DEPDC5: variants seen among roughly 807,000 people sequenced by gnomAD.
The protein encoded by DEPDC5 is GATOR1 complex protein DEPDC5.
A neutral mutation model predicts 217.3 loss-of-function variants in DEPDC5; 73 were observed. The observed-to-expected ratio is 0.34, with a 90% CI of 0.28 to 0.41. DEPDC5 has a LOEUF of 0.41. Among genes scored for constraint, DEPDC5 ranks in the 10% least tolerant of loss-of-function variants. DEPDC5 has a pLI of 1.00. For missense variants in DEPDC5, 1,675 were observed against 2,070.1 expected (o/e 0.81, Z 3.70); for synonymous variants, 733 against 756.7 (o/e 0.97, Z 0.51).
intron 7 of DEPDC5, 45 bp from the exon 8 acceptor site, chr22:31,778,054 G>A (rs1459151771): frequency 6.2e-7 from 1 of 1,603,094 alleles, no homozygotes; most frequent in Non-Finnish European, 8.5e-7. Flanking sequence ...GGCATGTATT[G>A]GTTTCATGTA....
chr22:31,872,059 G>A (rs1032454109), intron 34 of DEPDC5, among the ~76,000 whole-genome samples: 7 of 152,220 alleles, frequency 4.6e-5, no homozygotes, highest in Admixed American at 3.9e-4. Context: ...GAATAGTCAT[G>A]AAGAGTAGTC....
chr22:31,754,546 A>G (rs182724421), intron 1 of DEPDC5, among the ~76,000 whole-genome samples: 1 of 152,284 alleles, frequency 6.6e-6, no homozygotes, highest in East Asian at 1.9e-4. Context: ...TCTCTTTACT[A>G]TTTGGGTGTT....
chr22:31,852,498 C>A (rs1388304869), intron 31 of DEPDC5, among the ~76,000 whole-genome samples: 2 of 152,032 alleles, frequency 1.3e-5, no homozygotes, highest in African/African-American at 4.8e-5. Context: ...GCGCCACCAC[C>A]CCAGCTAATT....
chr22:31,797,700 G>C lies in DEPDC5; in HGVS notation c.868G>C (p.Ala290Pro). The change falls in exon 13 of 43, where the codon GCA becomes CCA. Residue 290 changes from alanine (A) to proline (P), a missense_variant. Ala to Pro is a conservative substitution (Grantham distance 27). This residue lies in a region of DEPDC5 where 628 missense variants were observed against 762.1 expected (regional missense o/e 0.82). Coordinates refer to ENST00000651528, the MANE Select transcript of DEPDC5 (RefSeq NM_001242896.3). The stretch of plus-strand genomic sequence containing the variant: ...TCCAGTGTTGGTGCGACTGGAACAG[G>C]CAGGTACTGCATTCATGTAATAGAT... ...QYPVLVRLEQ[A>P]EGFPQGDNST... 6.2e-7 allele frequency: 1 copy of C among 1,612,582 alleles called. No homozygotes were observed. The highest frequency in any genetic ancestry group is 2.2e-5 in the East Asian group (1 of 44,872).
At chr22:31,884,022 T>A (rs2093245636) in intron 38 of DEPDC5, among the ~76,000 whole-genome samples, 1 of 152,126 alleles carries the variant, frequency 6.6e-6, no homozygotes, top group Non-Finnish European at 1.5e-5. Context: ...ATTCTCCCTC[T>A]CCCACCTCAC....
chr22:31,898,843 A>G (rs2093600383), intron 40 of DEPDC5, among the ~76,000 whole-genome samples: 2 of 152,254 alleles, frequency 1.3e-5, no homozygotes, highest in South Asian at 4.1e-4. Context: ...ACTGTGGGAC[A>G]CACAGAGCTT....
At chr22:31,809,709 G>A (rs917369278) in intron 19 of DEPDC5, 62 bp downstream of exon 19, 13 of 1,572,098 alleles carry the variant, frequency 8.3e-6, no homozygotes, top group Non-Finnish European at 1.0e-5. Flanking sequence ...GCTGGGTGCA[G>A]TGGCTCACGC....
intron 30 of DEPDC5, among the ~76,000 whole-genome samples, chr22:31,846,002 C>G (rs981319011): frequency 4.0e-5 from 6 of 151,898 alleles, no homozygotes; most frequent in African/African-American, 1.5e-4. Flanking sequence ...TCATGTCCAG[C>G]TAATTTTTTG....
intron 33 of DEPDC5, among the ~76,000 whole-genome samples, chr22:31,862,491 G>A (rs1213782326): frequency 6.6e-6 from 1 of 152,140 alleles, no homozygotes; most frequent in Non-Finnish European, 1.5e-5. Flanking sequence ...CTTGAACCCA[G>A]GAGGCAGAGG....
rs2092681922 is a variant in DEPDC5, at chr22:31,866,129, G to C, written c.3331-4461G>C. Among the ~76,000 whole-genome samples the C allele has an allele frequency of 1.3e-5, 2 of 152,164 alleles. 1 individual carries two copies. The highest frequency in any genetic ancestry group is 1.3e-4 in the Admixed American group (2 of 15,262). ...CCATGGGGGATGCCTGTGGTGGGTG[G>C]TGCTAATCTCAGAGGCATCTCTAAC... On this transcript the variant is annotated intron_variant, in intron 33 of 42. Coordinates refer to ENST00000651528, the MANE Select transcript of DEPDC5 (RefSeq NM_001242896.3).
intron 33 of DEPDC5, among the ~76,000 whole-genome samples, chr22:31,863,153 C>T (rs942443901): frequency 1.6e-4 from 25 of 151,712 alleles, no homozygotes; most frequent in African/African-American, 5.8e-4. Flanking sequence ...GGCCATTAAC[C>T]TTTTACTTTG....
At chr22:31,860,610 G>A (rs1291295937) in intron 32 of DEPDC5, among the ~76,000 whole-genome samples, 1 of 152,186 alleles carries the variant, frequency 6.6e-6, no homozygotes. Flanking sequence ...CAAGGGTAGG[G>A]TAGGGAGGGA....
chr22:31,759,222 G>A (rs894804215), intron 3 of DEPDC5, among the ~76,000 whole-genome samples: 9 of 151,618 alleles, frequency 5.9e-5, no homozygotes, highest in African/African-American at 2.2e-4. Flanking sequence ...ATGAGGCACC[G>A]CACCTGGCCT....
intron 13 of DEPDC5, among the ~76,000 whole-genome samples, 172 bp from the exon 14 acceptor site, chr22:31,798,410 C>T (rs961677011): frequency 2.0e-5 from 3 of 152,032 alleles, no homozygotes; most frequent in Non-Finnish European, 2.9e-5. Flanking sequence ...CCCAGCTACT[C>T]GGGAGGCTGA....
chr22:31,862,541 G>A (rs1296658670), intron 33 of DEPDC5, among the ~76,000 whole-genome samples: 1 of 152,174 alleles, frequency 6.6e-6, no homozygotes, highest in Non-Finnish European at 1.5e-5. Context: ...CTCCAGCCTG[G>A]CGACAGAGCC....
intron 24 of DEPDC5, among the ~76,000 whole-genome samples, chr22:31,828,209 G>C (rs909535631): frequency 6.6e-6 from 1 of 152,186 alleles, no homozygotes; most frequent in South Asian, 2.1e-4. Context: ...CCAGCACTTT[G>C]GGAGGCCAAG....
Position 31,830,348 on chromosome 22 carries a change from T to C in DEPDC5, c.2105-3567T>C, listed in dbSNP as rs142912441. On this transcript the variant is annotated intron_variant, in intron 24 of 42. Coordinates refer to ENST00000651528, the MANE Select transcript of DEPDC5 (RefSeq NM_001242896.3). Reference sequence around the variant, plus strand: ...TCTATGTCTGGCTTTGAACTTTGAGTGTGAGACTTCATTCCCAAATGTTGG... The same window carrying C: ...TCTATGTCTGGCTTTGAACTTTGAGCGTGAGACTTCATTCCCAAATGTTGG... Among the ~76,000 whole-genome samples the C allele has an allele frequency of 4.6e-5, 7 of 152,366 alleles. No homozygotes were observed. In the East Asian group the frequency reaches 1.3e-3, roughly 29 times the overall value.
At chr22:31,824,975 C>CAAAAAA (rs1180812774) in intron 24 of DEPDC5, among the ~76,000 whole-genome samples, 1 of 74,980 alleles carries the variant, frequency 1.3e-5, no homozygotes, top group African/African-American at 4.9e-5. Context: ...GACTCCGTCT[C>CAAAAAA]AAAAAAAAAA....
At chr22:31,885,902 C>G (rs574160334) in intron 38 of DEPDC5, among the ~76,000 whole-genome samples, 1 of 151,750 alleles carries the variant, frequency 6.6e-6, no homozygotes, top group Non-Finnish European at 1.5e-5. Flanking sequence ...GGTGTGGTGG[C>G]GGGCACATGT....
Sources: allele counts gnomAD v4.1 joint callset (sites outside exome capture counted in the v4.1 genomes callset), GRCh38; gene constraint gnomAD v4.1.1; regional missense constraint gnomAD v4.1.1; transcripts MANE v1.5; gene names NCBI Gene and HGNC (gene_info 2026-07-23, HGNC 2026-07-21).